F13A1: variants seen among roughly 807,000 people sequenced by gnomAD.
The protein encoded by F13A1 is coagulation factor XIII A chain, also known as FSF, A subunit.
F13A1 carries 47 observed loss-of-function variants against 80.1 expected under a neutral mutation model. The observed-to-expected ratio is 0.59, with a 90% CI of 0.46 to 0.75. The LOEUF (loss-of-function observed/expected upper bound fraction) is 0.75, where lower values mean the gene tolerates loss of function less well. Ranked by LOEUF, F13A1 falls within the 30% of genes least tolerant of loss-of-function variation. F13A1 has a pLI of 0.00. For missense variants in F13A1, 817 were observed against 930.4 expected, an observed-to-expected ratio of 0.88 and a Z score of 1.59; for synonymous variants, 349 against 344.9, an observed-to-expected ratio of 1.01 and a Z score of -0.13.
intron 8 of F13A1, among the ~76,000 whole-genome samples, chr6:6,218,572 G>T (rs1757139351): frequency 1.3e-5 from 2 of 152,156 alleles, no homozygotes; most frequent in Admixed American, 6.5e-5. Flanking sequence ...ACTCTGCCCT[G>T]CTCTGCCCTT....
chr6:6,272,297 A>G (rs1561674948), intron 3 of F13A1, among the ~76,000 whole-genome samples: 1 of 152,196 alleles, frequency 6.6e-6, no homozygotes, highest in Admixed American at 6.5e-5. Context: ...AGGACATCAA[A>G]TAGCACATGG....
At chr6:6,277,820 T>G (rs1013911491) in intron 3 of F13A1, among the ~76,000 whole-genome samples, 14 of 152,336 alleles carry the variant, frequency 9.2e-5, no homozygotes, top group African/African-American at 3.4e-4. Flanking sequence ...ATAACATGCA[T>G]GTTTATTCAG....
chr6:6,221,936 A>C, intron 8 of F13A1, 97 bp downstream of exon 8: 1 of 1,442,790 alleles, frequency 6.9e-7, no homozygotes, highest in African/African-American at 1.4e-5. Flanking sequence ...ATGGTCCTCA[A>C]AATAGAACAG....
chr6:6,229,598 G>A (rs1161330922), intron 6 of F13A1, among the ~76,000 whole-genome samples: 1 of 152,194 alleles, frequency 6.6e-6, no homozygotes, highest in Non-Finnish European at 1.5e-5. Flanking sequence ...TGGTGGATGG[G>A]AGGCAGGACT....
intron 1 of F13A1, among the ~76,000 whole-genome samples, chr6:6,319,213 G>C (rs1317008483): frequency 6.6e-6 from 1 of 152,178 alleles, no homozygotes; most frequent in East Asian, 1.9e-4. Context: ...CTGTGATCTA[G>C]GTACATGGGA....
chr6:6,230,254 G>A (rs779207994), intron 6 of F13A1, among the ~76,000 whole-genome samples: 1 of 152,090 alleles, frequency 6.6e-6, no homozygotes, highest in Admixed American at 6.5e-5. Flanking sequence ...GTTGAGGGGG[G>A]CACGGTGGGA....
intron 11 of F13A1, among the ~76,000 whole-genome samples, chr6:6,175,828 G>C (rs1167234996): frequency 6.6e-6 from 1 of 152,186 alleles, no homozygotes; most frequent in African/African-American, 2.4e-5. Flanking sequence ...AAGTGGTTGT[G>C]GTGGAGATGA....
At chr6:6,207,715 G>T (rs774666445) in intron 8 of F13A1, among the ~76,000 whole-genome samples, 6 of 152,146 alleles carry the variant, frequency 3.9e-5, no homozygotes, top group Non-Finnish European at 8.8e-5. Flanking sequence ...CACACACAAC[G>T]CTACTTGGCT....
intron 6 of F13A1, among the ~76,000 whole-genome samples, chr6:6,245,449 C>A (rs1016111171): frequency 1.3e-5 from 2 of 152,186 alleles, no homozygotes; most frequent in Non-Finnish European, 1.5e-5. Flanking sequence ...GTCTTGAACT[C>A]CTGACCTCAG....
intron 3 of F13A1, among the ~76,000 whole-genome samples, chr6:6,275,393 G>A (rs891232368): frequency 2.0e-5 from 3 of 151,906 alleles, no homozygotes; most frequent in African/African-American, 7.3e-5. Flanking sequence ...GTTTGGAGAC[G>A]GAGTCTTGCT....
intron 10 of F13A1, among the ~76,000 whole-genome samples, chr6:6,190,425 T>C (rs1057014828): frequency 6.6e-6 from 1 of 151,276 alleles, no homozygotes; most frequent in Non-Finnish European, 1.5e-5. Context: ...TTTCTGTTTG[T>C]TAGTTTTCCT....
chr6:6,247,718 C>T (rs1393936102), intron 6 of F13A1, among the ~76,000 whole-genome samples: 1 of 152,214 alleles, frequency 6.6e-6, no homozygotes, highest in Non-Finnish European at 1.5e-5. Context: ...CTAGCTGTGG[C>T]TTTGTCACTG....
intron 12 of F13A1, among the ~76,000 whole-genome samples, chr6:6,173,567 C>T (rs770862750): frequency 2.6e-5 from 4 of 152,030 alleles, no homozygotes; most frequent in Admixed American, 6.6e-5. Flanking sequence ...GCCACCACGC[C>T]GGGCTAATTT....
chr6:6,256,523 G>A (rs1262068980), intron 4 of F13A1, among the ~76,000 whole-genome samples: 16 of 152,084 alleles, frequency 1.1e-4, no homozygotes, highest in African/African-American at 3.6e-4. Context: ...CACCCTTGCA[G>A]GCTGACTAAC....
At position 6,243,211 on chromosome 6, in the gene F13A1, T is replaced by TCACCACCACCATCACCGTCACCATCTC. The variant is rs1561665902; in HGVS notation, c.798+5074_798+5100dup. Among the ~76,000 whole-genome samples, 3 of 150,438 alleles carry TCACCACCACCATCACCGTCACCATCTC rather than the reference T, an allele frequency of 2.0e-5. No individual in the cohort carries two copies. Among genetic ancestry groups the TCACCACCACCATCACCGTCACCATCTC allele is most frequent in the Admixed American group, 6.6e-5 (1 of 15,102 alleles). The stretch of plus-strand genomic sequence containing the variant: ...ACTCCCACCACCATCACTCCTACCA[T>TCACCACCACCATCACCGTCACCATCTC]CACCACCACCATCACCGTCACCATC... On this transcript the variant is annotated intron_variant, in intron 6 of 14. Coordinates refer to ENST00000264870, the MANE Select transcript of F13A1 (RefSeq NM_000129.4). The surrounding 1 kb of genome is among the most constrained non-coding windows in gnomAD (Gnocchi z 4.2).
In F13A1 at chr6:6,186,781, G is replaced by A. The variant is rs1385897794; in HGVS notation, c.1306-4640C>T. Among the ~76,000 whole-genome samples, 3 of 151,854 alleles carry A rather than the reference G, an allele frequency of 2.0e-5. No homozygotes were observed. In the East Asian group the frequency reaches 5.8e-4, roughly 29 times the overall value. On this transcript the variant is annotated intron_variant, in intron 10 of 14. Transcript: ENST00000264870. ...TGAAGAAAGTCACTGGTAGCTTGAT[G>A]GGGATGGCATTGAATCTGTAAATTA...
chr6:6,150,806 G>C (rs972734013), intron 14 of F13A1, among the ~76,000 whole-genome samples: 8 of 152,216 alleles, frequency 5.3e-5, no homozygotes. Flanking sequence ...TCCATTCTGG[G>C]TGTCACACTT....
chr6:6,147,704 C>T (rs1483474661), intron 14 of F13A1, among the ~76,000 whole-genome samples: 1 of 152,138 alleles, frequency 6.6e-6, no homozygotes, highest in Non-Finnish European at 1.5e-5. Flanking sequence ...AGTATTTAGC[C>T]CCCTCTTATC....
rs3024472 is a variant in F13A1 at position 6,318,547 on chromosome 6, C to T, written c.118G>A (p.Val40Ile). ...GGTATGCTCATACCTTGCAGGTTGA[C>T]GCCCCGGGGCACCACGCCCTGAAGC... The part of the protein sequence containing the change: ...VELQGVVPRG[V>I]NLQEFLNVTS... The change falls in exon 2 of 15, where the codon GTC becomes ATC. Residue 40 changes from valine (V) to isoleucine (I), a missense_variant. Val to Ile is a conservative substitution (Grantham distance 29, BLOSUM62 3). Transcript: ENST00000264870. 1.4e-4 allele frequency: 225 copies of T among 1,613,386 alleles called. No homozygotes were observed. The African/African-American group carries it at 2.1e-3, about 15-fold the overall frequency.
Sources: gnomAD v4.1 joint callset for allele counts (sites outside exome capture counted in the v4.1 genomes callset) on GRCh38, gnomAD v4.1.1 for gene constraint, Gnocchi (gnomAD v3.1) non-coding constraint, MANE v1.5 for transcripts, NCBI Gene and HGNC (gene_info 2026-07-23, HGNC 2026-07-21) for gene names.